Variants in JAG2 observed in about 807,000 individuals in gnomAD.
JAG2 encodes the protein protein jagged-2.
Under a neutral mutation model 141.7 loss-of-function variants are expected in JAG2, and 46 were observed. That is an observed-to-expected ratio of 0.32 (90% CI 0.26 to 0.42). The LOEUF (loss-of-function observed/expected upper bound fraction) is 0.42. Ranked by LOEUF, JAG2 falls within the 10% of genes least tolerant of loss-of-function variation. The pLI, the probability that JAG2 is intolerant of heterozygous loss-of-function variation, is 1.00. For missense variants in JAG2, 1,500 were observed against 1,817.5 expected (o/e 0.83, Z 3.18); for synonymous variants, 862 against 763.5 (o/e 1.13, Z -2.13).
chr14:105,148,198 G>T lies in JAG2; in HGVS notation c.2166C>A (p.Ser722Arg). ...CGCTGTCGTAGCAGGTGCCACCGTT[G>T]CTGCAGGTGTAGGCATCGCACTGGA... ...REFQCDAYTC[S>R]NGGTCYDSGD... The change falls in exon 17 of 26, where the codon AGC (serine) becomes AGA (arginine). Residue 722 changes from serine (S) to arginine (R), a missense_variant. Coordinates refer to ENST00000331782, the MANE Select transcript of JAG2 (RefSeq NM_002226.5). 1 of 1,555,546 alleles carries T rather than the reference G, an allele frequency of 6.4e-7. No homozygotes were observed. The highest frequency in any genetic ancestry group is 2.4e-5 in the East Asian group (1 of 41,276).
chr14:105,167,523 C>A lies in JAG2; in HGVS notation c.417+234G>T, dbSNP rs1888954932. On this transcript the variant is annotated intron_variant, in intron 2 of 25. Transcript: ENST00000331782. The surrounding 1 kb of genome is among the most constrained non-coding windows in gnomAD (Gnocchi z 4.8). ...ACACCGCCGCGCACGCGGGACGCCGCCGCCCCGCCCCCGCCGCGACCCCGC... is the reference window on the plus strand; with the variant it reads ...ACACCGCCGCGCACGCGGGACGCCGACGCCCCGCCCCCGCCGCGACCCCGC... 6.8e-6 allele frequency among the ~76,000 whole-genome samples: 1 copy of A among 148,132 alleles called. No individual in the cohort carries two copies. The highest frequency in any genetic ancestry group is 1.5e-5 in the Non-Finnish European group (1 of 66,464).
chr14:105,151,942 C>T lies in JAG2; in HGVS notation c.1035G>A (p.Glu345=). Residue 345 remains glutamate, a synonymous_variant, in exon 7 of 26, where the codon GAG becomes GAA. Coordinates refer to ENST00000331782, the MANE Select transcript of JAG2 (RefSeq NM_002226.5). The stretch of plus-strand genomic sequence containing the variant: ...GGTGGCCAGCCCCCCACGTACCCTT[C>T]TCACAGTTCCTGCCCGAGTAGCCGT... ...CPDGYSGRNC[E]KAEHACTSNP... The T allele has an allele frequency of 6.2e-7, 1 of 1,613,088 alleles. No homozygotes were observed.
intron 1 of JAG2, 41 bp downstream of exon 1, chr14:105,168,314 G>GC: frequency 1.4e-6 from 1 of 721,054 alleles, no homozygotes; most frequent in Non-Finnish European, 1.7e-6. Flanking sequence ...GGCCCGGTGT[G>GC]CCCCGTCCGC....
intron 24 of JAG2, 114 bp downstream of exon 24, chr14:105,144,816 G>A (rs948387963): frequency 2.3e-5 from 31 of 1,350,088 alleles, no homozygotes; most frequent in Middle Eastern, 1.9e-4. Context: ...AGGCCTGCCC[G>A]CAGTCCTTCC....
chr14:105,144,788 G>A (rs755796183), intron 24 of JAG2, 142 bp downstream of exon 24: 168 of 1,096,308 alleles, frequency 1.5e-4, no homozygotes, highest in Middle Eastern at 2.4e-4. Context: ...CATGGACAGC[G>A]AGGGGCCGCA....
At chr14:105,151,244 C>A in intron 9 of JAG2, 39 bp downstream of exon 9, 2 of 1,155,668 alleles carry the variant, frequency 1.7e-6, no homozygotes, top group African/African-American at 1.7e-5. Context: ...AGCCCGCATG[C>A]GCGGCCCACG....
chr14:105,148,557 G>A (rs1888305169), intron 15 of JAG2, 118 bp from the exon 16 acceptor site: 10 of 835,182 alleles, frequency 1.2e-5, no homozygotes, highest in South Asian at 6.5e-5. Flanking sequence ...GGGGAGGAGC[G>A]TCGGGCCGGG....
At position 105,141,148 on chromosome 14, in the gene JAG2, G is replaced by A. The variant is rs1031103837; in HGVS notation, c.*1547C>T. 1 of 152,150 alleles carries A rather than the reference G, an allele frequency of 6.6e-6. No homozygotes were observed. Among genetic ancestry groups the A allele is most frequent in the East Asian group, 1.9e-4 (1 of 5,194 alleles). The allele number at this position is 152,150 out of a possible 1,614,324, so 9.4% of individuals were successfully genotyped here. The stretch of plus-strand genomic sequence containing the variant: ...TTGACCTCCTACCCCTCACAGCAGG[G>A]TAAAGACTTGCACATCACTGACAGG... On this transcript the variant is annotated 3_prime_UTR_variant, in exon 26 of 26. Transcript: ENST00000331782.
chr14:105,146,016 A>G (rs1888211905), intron 22 of JAG2, 43 bp from the exon 23 acceptor site: 2 of 1,576,290 alleles, frequency 1.3e-6, no homozygotes, highest in African/African-American at 1.3e-5. Context: ...GGCGCACAGG[A>G]GGGTCAGATG....
At position 105,147,570 on chromosome 14, in the gene JAG2, C is replaced by G. The variant is rs940806306; in HGVS notation, c.2366-43G>C. 2.5e-6 allele frequency: 4 copies of G among 1,591,468 alleles called. No homozygotes were observed. In the East Asian group the frequency reaches 6.7e-5, roughly 27 times the overall value. Reference sequence around the variant, plus strand: ...AACGCAGGGGATCAGTACCCACCCCCCAAGCGTGCCAGGCACTGTCCAGGC... The same window carrying G: ...AACGCAGGGGATCAGTACCCACCCCGCAAGCGTGCCAGGCACTGTCCAGGC... On this transcript the variant is annotated intron_variant, in intron 18 of 25. Transcript: ENST00000331782.
In JAG2 at chr14:105,167,842, G is replaced by T; in HGVS notation, c.332C>A (p.Ala111Glu). 1.3e-6 allele frequency: 2 copies of T among 1,509,200 alleles called. No individual in the cohort carries two copies. Among genetic ancestry groups the T allele is most frequent in the Non-Finnish European group, 1.8e-6 (2 of 1,136,618 alleles). 93.5% of individuals were successfully genotyped at this position (1,509,200 alleles called of 1,614,324 possible). ...NSFYLPPAGA[A>E]GDRARARARA... ...GGCCCGCGCCCGCGCTCGGTCCCCC[G>T]CAGCGCCCGCCGGCGGCAGGTAGAA... Residue 111 changes from alanine (A) to glutamate (E), a missense_variant, in exon 2 of 26, where the codon GCG (alanine) becomes GAG (glutamate). Physicochemically the swap from Ala to Glu is moderately radical, Grantham distance 107 (BLOSUM62 -1). Transcript: ENST00000331782. This position sits in a 1 kb window ranked among gnomAD's most constrained non-coding sequence, Gnocchi z 4.8.
chr14:105,147,460 TCCCACCCAC>T, intron 19 of JAG2, 31 bp downstream of exon 19: 1 of 1,609,278 alleles, frequency 6.2e-7, no homozygotes, highest in Non-Finnish European at 8.5e-7. Context: ...GTATGCCAAG[TCCCACCCAC>T]CCCTGCTGTG....
At position 105,148,997 on chromosome 14, in the gene JAG2, G is replaced by C; in HGVS notation, c.1846C>G (p.Pro616Ala). 1 of 1,606,792 alleles carries C rather than the reference G, an allele frequency of 6.2e-7. No homozygotes were observed. Among genetic ancestry groups the C allele is most frequent in the Non-Finnish European group, 8.5e-7 (1 of 1,177,410 alleles). ...CGPHGRCVSQ[P>A]GGNFSCICDS... ...CAGATGCAGGAAAAGTTGCCCCCTGGCTGGCTGACGCAGCGTCCATGGGGG... is the reference window on the plus strand; with the variant it reads ...CAGATGCAGGAAAAGTTGCCCCCTGCCTGGCTGACGCAGCGTCCATGGGGG... Residue 616 changes from proline (P) to alanine (A), a missense_variant, in exon 14 of 26, where the codon CCA becomes GCA. Transcript: ENST00000331782.
At chr14:105,153,092 C>T (rs924631353) in intron 5 of JAG2, among the ~76,000 whole-genome samples, 2 of 152,190 alleles carry the variant, frequency 1.3e-5, no homozygotes, top group Non-Finnish European at 2.9e-5. Context: ...CCTGCCGGGA[C>T]TCCCGGGGGG....
In JAG2 at chr14:105,143,219, C is replaced by A. The variant is rs369861512; in HGVS notation, c.3242-49G>T. 1.1e-4 allele frequency: 172 copies of A among 1,557,080 alleles called. No individual in the cohort carries two copies. In the African/African-American group the frequency reaches 2.1e-3, roughly 19 times the overall value. On this transcript the variant is annotated intron_variant, in intron 25 of 25. Coordinates refer to ENST00000331782, the MANE Select transcript of JAG2 (RefSeq NM_002226.5). ...GTGGGCAATGAGGCCTGGGCACCTG[C>A]GGGGCACTAGCCACACACCCAGGCC... is the stretch of plus-strand genomic sequence containing the variant.
At chr14:105,157,847 C>CCCAGGGGCAGCGTCTGA in intron 2 of JAG2, 84 bp from the exon 3 acceptor site, 1 of 1,269,246 alleles carries the variant, frequency 7.9e-7, no homozygotes, top group Non-Finnish European at 1.1e-6. Context: ...AGGGCTCAGA[C>CCCAGGGGCAGCGTCTGA]GCTGCCCCTG....
At chr14:105,152,088 A>C in intron 6 of JAG2, 31 bp from the exon 7 acceptor site, 1 of 1,613,098 alleles carries the variant, frequency 6.2e-7, no homozygotes, top group Non-Finnish European at 8.5e-7. Flanking sequence ...CTCAGGGGAA[A>C]AGCCGGCCCC....
intron 12 of JAG2, among the ~76,000 whole-genome samples, chr14:105,149,811 G>C (rs587627788): frequency 1.3e-4 from 17 of 133,470 alleles, no homozygotes; most frequent in Admixed American, 4.6e-4. Flanking sequence ...GGAGGTGGGT[G>C]GGGGGAGGCA....
At position 105,148,866 on chromosome 14, in the gene JAG2, G is replaced by A; in HGVS notation, c.1907-8C>T. On this transcript the variant is annotated splice_region_variant and splice_polypyrimidine_tract_variant and intron_variant, in intron 14 of 25. Coordinates refer to ENST00000331782, the MANE Select transcript of JAG2 (RefSeq NM_002226.5). ...CCAGGCAGTCGTCAATGTCTGCAGAGGCGAGCGGGGTGAGCCAGGGCCTCA... is the reference window on the plus strand; with the variant it reads ...CCAGGCAGTCGTCAATGTCTGCAGAAGCGAGCGGGGTGAGCCAGGGCCTCA... 5.7e-6 allele frequency: 9 copies of A among 1,587,144 alleles called. No individual in the cohort carries two copies. Among genetic ancestry groups the A allele is most frequent in the Non-Finnish European group, 7.7e-6 (9 of 1,167,694 alleles).
Sources: gnomAD v4.1 joint callset for allele counts (sites outside exome capture counted in the v4.1 genomes callset) on GRCh38, gnomAD v4.1.1 for gene constraint, Gnocchi (gnomAD v3.1) non-coding constraint, MANE v1.5 for transcripts, NCBI Gene and HGNC (gene_info 2026-07-23, HGNC 2026-07-21) for gene names.